PCDHA8: variants seen among roughly 807,000 people sequenced by gnomAD.
The protein encoded by PCDHA8 is protocadherin alpha-8.
In PCDHA8, 53 loss-of-function variants were observed where a neutral mutation model predicts 61.8. That is an observed-to-expected ratio of 0.86 (90% confidence interval 0.69 to 1.08). PCDHA8 has a LOEUF of 1.08. Ranked by LOEUF, PCDHA8 falls within the 50% of genes least tolerant of loss-of-function variation. PCDHA8 has a pLI of 0.00. For missense variants in PCDHA8, 1,293 were observed against 1,245.0 expected, an observed-to-expected ratio of 1.04 and a Z score of -0.58; for synonymous variants, 618 against 556.6, an observed-to-expected ratio of 1.11 and a Z score of -1.55.
chr5:140,854,011 A>T (rs1218448806), intron 1 of PCDHA8: 1 of 394,286 alleles, frequency 2.5e-6, no homozygotes, highest in Non-Finnish European at 3.6e-6. Context: ...AAAAAAAAAA[A>T]ATTAGCCGGG....
intron 3 of PCDHA8, among the ~76,000 whole-genome samples, chr5:140,989,525 GAGGA>G (rs2097345403): frequency 6.6e-6 from 1 of 152,218 alleles, no homozygotes; most frequent in African/African-American, 2.4e-5. Flanking sequence ...GAGGGCAGAG[GAGGA>G]AGATAGTTTG....
chr5:140,951,659 C>T (rs1293655737), intron 1 of PCDHA8, among the ~76,000 whole-genome samples: 3 of 152,164 alleles, frequency 2.0e-5, no homozygotes, highest in African/African-American at 7.2e-5. Flanking sequence ...CCCACCAGGG[C>T]CTGCCTACAA....
intron 1 of PCDHA8, among the ~76,000 whole-genome samples, chr5:140,899,497 T>G (rs2067365308): frequency 6.6e-6 from 1 of 152,254 alleles, no homozygotes; most frequent in South Asian, 2.1e-4. Context: ...TTACATTTAT[T>G]GATTTGCATA....
chr5:140,874,901 T>G (rs896201686), intron 1 of PCDHA8, among the ~76,000 whole-genome samples: 2 of 152,208 alleles, frequency 1.3e-5, no homozygotes, highest in Admixed American at 1.3e-4. Context: ...TCTAAAATCT[T>G]ACGATGGAGT....
intron 1 of PCDHA8, among the ~76,000 whole-genome samples, chr5:140,915,626 G>GTCTCTC (rs57920489): frequency 0.011 from 1,557 of 146,506 alleles, 25 homozygotes; most frequent in African/African-American, 0.018. Flanking sequence ...GTCTCTTTCT[G>GTCTCTC]TCTCTCTCTC....
At chr5:140,941,221 T>TTCTTTCTTTCTTTCTTTCTTTCTC (rs2092905955) in intron 1 of PCDHA8, among the ~76,000 whole-genome samples, 1 of 131,536 alleles carries the variant, frequency 7.6e-6, no homozygotes, top group Admixed American at 7.9e-5. Context: ...CTTCCTTTCT[T>TTCTTTCTTTCTTTCTTTCTTTCTC]TCTTTCTTTC....
intron 1 of PCDHA8, chr5:140,855,922 T>G: frequency 8.1e-7 from 1 of 1,227,842 alleles, no homozygotes; most frequent in South Asian, 1.5e-5. Flanking sequence ...GACTAGGAAG[T>G]AGCGTCATTC....
At chr5:140,870,634 G>T in intron 1 of PCDHA8, 1 of 1,612,862 alleles carries the variant, frequency 6.2e-7, no homozygotes, top group Non-Finnish European at 8.5e-7. Context: ...GTCGGTGCAC[G>T]CGGAGAGCGG....
At chr5:140,877,205 G>A in intron 1 of PCDHA8, 1 of 1,613,824 alleles carries the variant, frequency 6.2e-7, no homozygotes, top group South Asian at 1.1e-5. Flanking sequence ...GGCGCAGTTA[G>A]CGAGTTGGTA....
chr5:140,875,876 A>C, intron 1 of PCDHA8: 1 of 1,614,178 alleles, frequency 6.2e-7, no homozygotes, highest in South Asian at 1.1e-5. Flanking sequence ...GTGTTCAGAG[A>C]AAGGGAACAA....
At chr5:140,882,940 C>T (rs1554176179) in intron 1 of PCDHA8, 2 of 1,614,208 alleles carry the variant, frequency 1.2e-6, no homozygotes, top group Admixed American at 3.3e-5. Flanking sequence ...AGCTGACTGG[C>T]ACAGTTCAGC....
At chr5:140,885,124 T>C (rs1019759458) in intron 1 of PCDHA8, among the ~76,000 whole-genome samples, 35 of 152,216 alleles carry the variant, frequency 2.3e-4, no homozygotes, top group African/African-American at 8.2e-4. Flanking sequence ...TGCACTTTTC[T>C]TTCTTTCTTT....
chr5:140,842,835 C>A lies in PCDHA8; in HGVS notation c.1514C>A (p.Ser505Ter). The A allele has an allele frequency of 1.3e-6, 2 of 1,593,850 alleles. No homozygotes were observed. Among genetic ancestry groups the A allele is most frequent in the South Asian group, 2.2e-5 (2 of 90,424 alleles). Reference sequence around the variant, plus strand: ...CGGCGGGTGGGCGAGCGCTCGCTGTCGAGCTACATTTCGGTGCACACGGAG... The same window carrying A: ...CGGCGGGTGGGCGAGCGCTCGCTGTAGAGCTACATTTCGGTGCACACGGAG... The part of the protein sequence containing the change: ...VERRVGERSL[S>*]SYISVHTESG... The change falls in exon 1 of 4, where the codon TCG becomes TAG. Residue 505 changes from serine to a stop codon, truncating the protein, a stop_gained. Coordinates refer to ENST00000531613, the MANE Select transcript of PCDHA8 (RefSeq NM_018911.3). LOFTEE classifies it high-confidence loss of function.
At chr5:140,866,021 G>A (rs2049106478) in intron 1 of PCDHA8, 1 of 152,210 alleles carries the variant, frequency 6.6e-6, no homozygotes, top group Middle Eastern at 3.4e-3. Flanking sequence ...TTTCTTGTAA[G>A]AGTTCGTGAT....
At chr5:140,899,575 G>C (rs1347901369) in intron 1 of PCDHA8, among the ~76,000 whole-genome samples, 1 of 152,086 alleles carries the variant, frequency 6.6e-6, no homozygotes, top group African/African-American at 2.4e-5. Flanking sequence ...TGCTGGATTC[G>C]GTTTGCCAGT....
At chr5:140,846,374 T>TTC (rs1554141279) in intron 1 of PCDHA8, among the ~76,000 whole-genome samples, 10 of 30,854 alleles carry the variant, frequency 3.2e-4, no homozygotes, top group African/African-American at 1.1e-3. Context: ...TCTTTCTTTC[T>TTC]TTTTTTTTTT....
intron 1 of PCDHA8, among the ~76,000 whole-genome samples, chr5:140,916,789 C>T (rs146305877): frequency 2.8e-4 from 42 of 152,168 alleles, no homozygotes; most frequent in Non-Finnish European, 4.7e-4. Context: ...TTAGCTGCCC[C>T]AGCTGATGAC....
In PCDHA8 at chr5:140,842,742, T is replaced by C; in HGVS notation, c.1421T>C (p.Ile474Thr). 6.3e-7 allele frequency: 1 copy of C among 1,594,970 alleles called. No individual in the cohort carries two copies. The highest frequency in any genetic ancestry group is 8.6e-7 in the Non-Finnish European group (1 of 1,165,410). Reference protein sequence around the residue: ...VKENNPPGCHIFTVSARDADA... With the variant: ...VKENNPPGCHTFTVSARDADA... ...GAGAACAACCCGCCGGGCTGCCACA[T>C]CTTCACGGTGTCTGCGCGAGACGCG... The change falls in exon 1 of 4, where the codon ATC (isoleucine) becomes ACC (threonine). Residue 474 changes from isoleucine (I) to threonine (T), a missense_variant. By Grantham distance (89) the Ile-to-Thr change is moderately conservative. Coordinates refer to ENST00000531613, the MANE Select transcript of PCDHA8 (RefSeq NM_018911.3).
intron 2 of PCDHA8, among the ~76,000 whole-genome samples, chr5:140,981,116 A>G (rs533489885): frequency 6.6e-6 from 1 of 152,344 alleles, no homozygotes; most frequent in African/African-American, 2.4e-5. Flanking sequence ...TCTACTGGAT[A>G]TGTTGTTTGA....
Sources: gnomAD v4.1 joint callset for allele counts (sites outside exome capture counted in the v4.1 genomes callset) on GRCh38, gnomAD v4.1.1 for gene constraint, MANE v1.5 for transcripts, NCBI Gene and HGNC (gene_info 2026-07-23, HGNC 2026-07-21) for gene names.